Variants in SYT1 observed in about 807,000 individuals in gnomAD.
SYT1 encodes synaptotagmin 1.
A neutral mutation model predicts 44.8 loss-of-function variants in SYT1; 8 were observed. The ratio of observed to expected loss-of-function variants is 0.18; its 90% confidence interval spans 0.10 to 0.32. SYT1 has a LOEUF of 0.32. SYT1 is among the 10% of genes least tolerant of loss of function. The pLI is 1.00. For synonymous variants in SYT1, 154 were observed against 188.8 expected (o/e 0.82, Z 1.51); for missense variants, 286 against 509.3 (o/e 0.56, Z 4.22).
chr12:79,394,225 C>G (rs1476651018), intron 9 of SYT1, among the ~76,000 whole-genome samples: 1 of 152,080 alleles, frequency 6.6e-6, no homozygotes, highest in Non-Finnish European at 1.5e-5. Context: ...CTGGTAAATG[C>G]TAGGGGTATG....
At chr12:78,910,790 G>T (rs894419983) in intron 1 of SYT1, among the ~76,000 whole-genome samples, 5 of 151,944 alleles carry the variant, frequency 3.3e-5, no homozygotes, top group African/African-American at 1.2e-4. Flanking sequence ...AAGAATCTAG[G>T]CTTTCACCAG....
chr12:79,070,052 G>T (rs1043892846), intron 3 of SYT1, among the ~76,000 whole-genome samples: 1 of 151,942 alleles, frequency 6.6e-6, no homozygotes, highest in African/African-American at 2.4e-5. Context: ...GCTAATTAAG[G>T]TGTCATAGGT....
rs547318449 is a variant in SYT1, at chr12:79,091,693, A to G, written c.-18+44331A>G. Among the ~76,000 whole-genome samples, 15 of 152,106 alleles carry G rather than the reference A, an allele frequency of 9.9e-5. No homozygotes were observed. In the South Asian group the frequency reaches 1.7e-3, roughly 17 times the overall value. On this transcript the variant is annotated intron_variant, in intron 3 of 10. Transcript: ENST00000261205. ...TTGCAGTCAGACATTAGAGGAAACTAACAATTTCAGAATCCAGTCTAAATT... is the reference window on the plus strand; with the variant it reads ...TTGCAGTCAGACATTAGAGGAAACTGACAATTTCAGAATCCAGTCTAAATT...
intron 2 of SYT1, among the ~76,000 whole-genome samples, chr12:79,043,723 C>G (rs1032010391): frequency 2.1e-4 from 32 of 152,208 alleles, no homozygotes; most frequent in African/African-American, 7.5e-4. Flanking sequence ...TCCTAGTCTC[C>G]ATGGTCTTTA....
chr12:78,988,129 A>AATTT (rs1555186821), intron 2 of SYT1, among the ~76,000 whole-genome samples: 4 of 149,906 alleles, frequency 2.7e-5, no homozygotes, highest in African/African-American at 9.8e-5. Context: ...CACTGAACAA[A>AATTT]TTTTTTTTTT....
chr12:79,330,793 T>A (rs575957574), intron 8 of SYT1, among the ~76,000 whole-genome samples: 103 of 152,288 alleles, frequency 6.8e-4, no homozygotes, highest in African/African-American at 2.4e-3. Context: ...CATTTGGATT[T>A]TCCTGATGAG....
chr12:78,930,354 G>A (rs913016081), intron 1 of SYT1, among the ~76,000 whole-genome samples: 1 of 151,738 alleles, frequency 6.6e-6, no homozygotes, highest in Non-Finnish European at 1.5e-5. Context: ...AAGGCAGAAA[G>A]GGAAGGAAAA....
chr12:79,197,862 G>C (rs1369659097), intron 3 of SYT1, among the ~76,000 whole-genome samples: 1 of 151,910 alleles, frequency 6.6e-6, no homozygotes, highest in African/African-American at 2.4e-5. Context: ...TTTTTAACAA[G>C]GTAACACTGT....
chr12:79,346,033 T>G (rs1206464798), intron 8 of SYT1, among the ~76,000 whole-genome samples: 1 of 152,218 alleles, frequency 6.6e-6, no homozygotes, highest in Admixed American at 6.5e-5. Context: ...TGTCACAGCA[T>G]TAATTCAGGT....
chr12:79,167,176 A>T (rs1455813778), intron 3 of SYT1, among the ~76,000 whole-genome samples: 2 of 152,014 alleles, frequency 1.3e-5, no homozygotes, highest in Non-Finnish European at 1.5e-5. Context: ...CCATATTGCG[A>T]TCTCAGATTC....
At chr12:78,961,426 AG>A (rs1879497176) in intron 1 of SYT1, among the ~76,000 whole-genome samples, 1 of 152,062 alleles carries the variant, frequency 6.6e-6, no homozygotes, top group African/African-American at 2.4e-5. Flanking sequence ...CACTTTAAAT[AG>A]TTCTTACCCT....
chr12:79,444,031 T>A (rs773793910), intron 9 of SYT1, 42 bp from the exon 10 acceptor site: 2 of 1,601,620 alleles, frequency 1.2e-6, no homozygotes, highest in South Asian at 1.1e-5. Flanking sequence ...CTAAAATATG[T>A]GTCTCTGATC....
chr12:78,941,690 C>T (rs996669749), intron 1 of SYT1, among the ~76,000 whole-genome samples: 6 of 152,128 alleles, frequency 3.9e-5, no homozygotes, highest in African/African-American at 7.2e-5. Context: ...TTTCTACAAC[C>T]AACAGTCTCC....
intron 4 of SYT1, among the ~76,000 whole-genome samples, chr12:79,218,729 C>A (rs4842444): frequency 0.043 from 6,610 of 152,168 alleles, 152 homozygotes; most frequent in Non-Finnish European, 0.049. Flanking sequence ...TGAATGGTAT[C>A]TCTCAAGTGG....
chr12:79,179,372 A>AGATATATCGATATATCTATATC (rs1565842007), intron 3 of SYT1, among the ~76,000 whole-genome samples: 1 of 20,476 alleles, frequency 4.9e-5, no homozygotes, highest in African/African-American at 2.7e-4. Context: ...ATATAGATAT[A>AGATATATCGATATATCTATATC]GATATAGATA....
chr12:79,161,260 G>A (rs1004575948), intron 3 of SYT1, among the ~76,000 whole-genome samples: 2 of 151,956 alleles, frequency 1.3e-5, no homozygotes, highest in African/African-American at 2.4e-5. Context: ...GGGATTATAA[G>A]ACTGTATTTT....
intron 2 of SYT1, among the ~76,000 whole-genome samples, chr12:79,028,219 T>C (rs1592677470): frequency 6.6e-6 from 1 of 151,450 alleles, no homozygotes; most frequent in South Asian, 2.1e-4. Flanking sequence ...TGTCGAGTTA[T>C]TTTTTGTGTT....
At chr12:79,275,833 G>A (rs1320204912) in intron 4 of SYT1, among the ~76,000 whole-genome samples, 2 of 152,122 alleles carry the variant, frequency 1.3e-5, no homozygotes, top group Non-Finnish European at 2.9e-5. Flanking sequence ...ACACATGACT[G>A]GGGAATGAGG....
chr12:79,024,170 A>C (rs1565768094), intron 2 of SYT1, among the ~76,000 whole-genome samples: 1 of 151,718 alleles, frequency 6.6e-6, no homozygotes, highest in Non-Finnish European at 1.5e-5. Context: ...GATTCTAGGA[A>C]ATTGGGGCTG....
Sources: gnomAD v4.1 joint callset for allele counts (sites outside exome capture counted in the v4.1 genomes callset) on GRCh38, gnomAD v4.1.1 for gene constraint, MANE v1.5 for transcripts, NCBI Gene and HGNC (gene_info 2026-07-23, HGNC 2026-07-21) for gene names.